Variants in CAST observed in about 807,000 individuals in gnomAD.
The protein encoded by CAST is calpastatin.
In CAST, 76 loss-of-function variants were observed where a neutral mutation model predicts 119.6. The observed-to-expected ratio is 0.64, with a 90% CI of 0.53 to 0.77. CAST has a LOEUF of 0.77. CAST is among the 30% of genes least tolerant of loss of function. The pLI is 0.00. For missense variants in CAST, 953 were observed against 946.5 expected (o/e 1.01, Z -0.09); for synonymous variants, 319 against 331.6 (o/e 0.96, Z 0.41).
At chr5:96,506,846 T>C in the CAST span, among the ~76,000 whole-genome samples, 1 of 152,162 alleles carries the variant, frequency 6.6e-6, no homozygotes, top group Non-Finnish European at 1.5e-5. Flanking sequence ...GAGGCTGCAA[T>C]GCATGGGCCC....
At chr5:96,259,977 T>G in the CAST span, among the ~76,000 whole-genome samples, 1 of 152,102 alleles carries the variant, frequency 6.6e-6, no homozygotes, top group African/African-American at 2.4e-5. Context: ...TTCTTCTATT[T>G]AACAATTTAC....
chr5:96,486,109 A>C, the CAST span, among the ~76,000 whole-genome samples: 6 of 152,172 alleles, frequency 3.9e-5, no homozygotes, highest in Admixed American at 3.9e-4. Flanking sequence ...ACAGCTATAT[A>C]AAAACCCACC....
the CAST span, among the ~76,000 whole-genome samples, chr5:96,175,092 C>T: frequency 2.0e-5 from 3 of 152,004 alleles, no homozygotes; most frequent in Admixed American, 6.5e-5. Flanking sequence ...ATTTAGAAGA[C>T]ATAGATTTTT....
the CAST span, among the ~76,000 whole-genome samples, chr5:96,401,113 G>A: frequency 4.8e-3 from 404 of 84,908 alleles, no homozygotes; most frequent in Non-Finnish European, 5.5e-3. Context: ...AAAAAAAAAA[G>A]AAGTTTACAA....
intron 2 of CAST, among the ~76,000 whole-genome samples, chr5:96,680,227 C>T (rs548920637): frequency 3.0e-4 from 46 of 151,108 alleles, no homozygotes; most frequent in African/African-American, 9.7e-4. Context: ...TGGGTGTGGG[C>T]GCCTATAGTC....
the CAST span, among the ~76,000 whole-genome samples, chr5:96,016,165 AAGGACTTCATATTTGC>A: frequency 6.6e-6 from 1 of 152,202 alleles, no homozygotes; most frequent in African/African-American, 2.4e-5. Context: ...GGCCTATCCC[AAGGACTTCATATTTGC>A]TTTGCCAGCC....
At chr5:96,623,590 T>C (rs17086381) in intron 1 of CAST, among the ~76,000 whole-genome samples, 19,560 of 152,258 alleles carry the variant, frequency 0.13, 1,342 homozygotes, top group South Asian at 0.18. Context: ...AGACCCTTTG[T>C]TCCTGTTTGC....
At chr5:96,634,058 T>C (rs1386924548) in intron 1 of CAST, among the ~76,000 whole-genome samples, 1 of 152,242 alleles carries the variant, frequency 6.6e-6, no homozygotes, top group Non-Finnish European at 1.5e-5. Flanking sequence ...TAGCCTAGTA[T>C]AAATTCTTTG....
upstream of CAST, among the ~76,000 whole-genome samples, chr5:96,659,125 C>A (rs941867855): frequency 6.6e-6 from 1 of 152,022 alleles, no homozygotes; most frequent in Non-Finnish European, 1.5e-5. Context: ...ATGTGGTGCC[C>A]CAAAATAATT....
At chr5:96,738,791 C>G (rs1477232622) in intron 11 of CAST, among the ~76,000 whole-genome samples, 2 of 151,804 alleles carry the variant, frequency 1.3e-5, no homozygotes, top group Non-Finnish European at 2.9e-5. Flanking sequence ...AAAAATTAGT[C>G]AGGAATGTTG....
the CAST span, among the ~76,000 whole-genome samples, chr5:96,051,552 G>T: frequency 3.9e-5 from 6 of 152,064 alleles, no homozygotes; most frequent in African/African-American, 1.4e-4. Flanking sequence ...GCCTTTTAAA[G>T]GAGCATTTGC....
At chr5:96,763,389 C>T (rs1169002990) in intron 25 of CAST, among the ~76,000 whole-genome samples, 1 of 152,212 alleles carries the variant, frequency 6.6e-6, no homozygotes, top group Non-Finnish European at 1.5e-5. Context: ...TATGTAAACA[C>T]ACCCACAATG....
At chr5:96,454,140 C>T in the CAST span, among the ~76,000 whole-genome samples, 1 of 152,056 alleles carries the variant, frequency 6.6e-6, no homozygotes, top group Admixed American at 6.5e-5. Context: ...CTATTGTAGC[C>T]TATCTATGTG....
chr5:96,598,259 C>T (rs1265180138), intron 1 of CAST, among the ~76,000 whole-genome samples: 1 of 152,186 alleles, frequency 6.6e-6, no homozygotes. Context: ...CTTTGGTGCC[C>T]AGTGCATGAA....
At chr5:96,429,321 T>A in the CAST span, 2 of 1,460,826 alleles carry the variant, frequency 1.4e-6, no homozygotes, top group African/African-American at 1.4e-5. Context: ...AACCAATCTA[T>A]AAAAGGAAAG....
chr5:96,356,269 C>T, the CAST span, among the ~76,000 whole-genome samples: 4 of 152,268 alleles, frequency 2.6e-5, no homozygotes, highest in Admixed American at 2.6e-4. Context: ...AAAATTTTCT[C>T]TCATTCTGTA....
chr5:96,669,194 C>G (rs1257399149), intron 1 of CAST, among the ~76,000 whole-genome samples: 1 of 152,238 alleles, frequency 6.6e-6, no homozygotes, highest in Admixed American at 6.5e-5. Flanking sequence ...TGAAGCAAAA[C>G]CAGCTTTACA....
At chr5:96,434,773 A>T in the CAST span, among the ~76,000 whole-genome samples, 1 of 152,180 alleles carries the variant, frequency 6.6e-6, no homozygotes, top group Admixed American at 6.5e-5. Flanking sequence ...ATGAGACAAG[A>T]CTTGGTGGAG....
chr5:96,143,822 C>CT, the CAST span, among the ~76,000 whole-genome samples: 3 of 151,964 alleles, frequency 2.0e-5, no homozygotes, highest in Non-Finnish European at 4.4e-5. Flanking sequence ...TTTATAGAGC[C>CT]TTTTTTTGGA....
Sources: gnomAD v4.1 joint callset for allele counts (sites outside exome capture counted in the v4.1 genomes callset) on GRCh38, gnomAD v4.1.1 for gene constraint, MANE v1.5 for transcripts, NCBI Gene and HGNC (gene_info 2026-07-23, HGNC 2026-07-21) for gene names.